The following ADIPOR2 variants were observed in gnomAD, a reference collection of about 807,000 sequenced individuals.
ADIPOR2 encodes adiponectin receptor protein 2.
In ADIPOR2, 18 loss-of-function variants were observed where a neutral mutation model predicts 40.9. The observed-to-expected ratio is 0.44, with a 90% CI of 0.30 to 0.65. ADIPOR2 has a LOEUF of 0.65. ADIPOR2 is among the 30% of genes least tolerant of loss of function. The probability of loss-of-function intolerance (pLI) is 0.09; values close to 1 mark genes in which losing one functional copy is unlikely to be tolerated. For missense variants in ADIPOR2, 283 were observed against 479.2 expected, an observed-to-expected ratio of 0.59 and a Z score of 3.82; for synonymous variants, 165 against 166.4, an observed-to-expected ratio of 0.99 and a Z score of 0.06.
At chr12:1,739,959 G>A (rs911175130) in intron 1 of ADIPOR2, among the ~76,000 whole-genome samples, 2 of 147,418 alleles carry the variant, frequency 1.4e-5, no homozygotes, top group African/African-American at 2.6e-5. Flanking sequence ...AAAATTAACC[G>A]GGCGTGGTGG....
intron 1 of ADIPOR2, among the ~76,000 whole-genome samples, chr12:1,698,561 T>C (rs2094644011): frequency 6.6e-6 from 1 of 152,188 alleles, no homozygotes; most frequent in South Asian, 2.1e-4. Context: ...TGTGGCTTAC[T>C]TTACATCTGC....
chr12:1,749,057 A>ACT (rs2094763283), intron 1 of ADIPOR2, among the ~76,000 whole-genome samples: 1 of 152,196 alleles, frequency 6.6e-6, no homozygotes, highest in Non-Finnish European at 1.5e-5. Flanking sequence ...AATTTGCTGG[A>ACT]CTGGCGCACA....
chr12:1,705,341 G>A (rs2094659976), intron 1 of ADIPOR2, among the ~76,000 whole-genome samples: 2 of 152,080 alleles, frequency 1.3e-5, no homozygotes, highest in South Asian at 2.1e-4. Flanking sequence ...ATTTAGAACT[G>A]TTGTTCCTTG....
In ADIPOR2 at chr12:1,754,375, G is replaced by T; in HGVS notation, c.32G>T (p.Cys11Phe). 1 of 1,611,000 alleles carries T rather than the reference G, an allele frequency of 6.2e-7. No individual in the cohort carries two copies. The highest frequency in any genetic ancestry group is 2.2e-5 in the East Asian group (1 of 44,752). Residue 11 changes from cysteine to phenylalanine, a missense_variant, in exon 2 of 8, where the codon TGC (cysteine) becomes TTC (phenylalanine). Coordinates refer to ENST00000357103, the MANE Select transcript of ADIPOR2 (RefSeq NM_024551.3). The part of the protein sequence containing the change: MNEPTENRLG[C>F]SRTPEPDIRL... The stretch of plus-strand genomic sequence containing the variant: ...GAGCCAACAGAAAACCGATTGGGGT[G>T]CAGCAGGACTCCAGAGCCAGATATA...
intron 3 of ADIPOR2, among the ~76,000 whole-genome samples, chr12:1,773,454 C>G (rs1862526772): frequency 6.6e-6 from 1 of 150,490 alleles, no homozygotes; most frequent in African/African-American, 2.4e-5. Context: ...GGTATACATT[C>G]TGTCTCTTAA....
chr12:1,743,683 A>G (rs1592604590), intron 1 of ADIPOR2, among the ~76,000 whole-genome samples: 1 of 152,198 alleles, frequency 6.6e-6, no homozygotes, highest in Admixed American at 6.5e-5. Context: ...AAATTAAAAA[A>G]AACCCATACA....
rs770243021 is a variant in ADIPOR2, at chr12:1,780,638, G to T, written c.650+1G>T. The T allele has an allele frequency of 6.3e-7, 1 of 1,577,178 alleles. No individual in the cohort carries two copies. The highest frequency in any genetic ancestry group is 1.2e-5 in the South Asian group (1 of 84,716). On this transcript the variant is annotated splice_donor_variant, in intron 5 of 7. Coordinates refer to ENST00000357103, the MANE Select transcript of ADIPOR2 (RefSeq NM_024551.3). LOFTEE classifies it high-confidence loss of function. ...AGGGGGTCTCTCGGCTCTTCTCTAA[G>T]TAAGTATCTGTAAAGTCCGTATTTT... is the stretch of plus-strand genomic sequence containing the variant.
At chr12:1,743,994 C>T (rs1053468169) in intron 1 of ADIPOR2, among the ~76,000 whole-genome samples, 1 of 152,040 alleles carries the variant, frequency 6.6e-6, no homozygotes, top group Non-Finnish European at 1.5e-5. Context: ...ATGTTTAGCT[C>T]AAATTTATGT....
intron 1 of ADIPOR2, among the ~76,000 whole-genome samples, chr12:1,699,187 A>G (rs2094645286): frequency 6.6e-6 from 1 of 152,252 alleles, no homozygotes; most frequent in Non-Finnish European, 1.5e-5. Flanking sequence ...GTTCCGGTAT[A>G]TAGCAGGTGG....
rs574529756 is a variant in ADIPOR2, at chr12:1,728,205, C to T, written c.-86-26053C>T. ...TCAGCTCACTGCAACTTCCGCCTCC[C>T]GGTTTCAAGTGATTCTCCTGCCTCA... On this transcript the variant is annotated intron_variant, in intron 1 of 7. Coordinates refer to ENST00000357103, the MANE Select transcript of ADIPOR2 (RefSeq NM_024551.3). Among the ~76,000 whole-genome samples, 237 of 151,852 alleles carry T rather than the reference C, an allele frequency of 1.6e-3. 3 individuals are homozygous for T. Among genetic ancestry groups the T allele is most frequent in the African/African-American group, 5.4e-3 (223 of 41,436 alleles).
Position 1,757,243 on chromosome 12 carries a change from C to G in ADIPOR2, c.171+2729C>G, listed in dbSNP as rs561010632. ...CCCAGGGACCATTTCACCCACTGCT[C>G]TGTTTGGTCGCCAGTCTTTTGTCTT... is the stretch of plus-strand genomic sequence containing the variant. On this transcript the variant is annotated intron_variant, in intron 2 of 7. Transcript: ENST00000357103. 9 of 558,122 alleles carry G rather than the reference C, an allele frequency of 1.6e-5. No homozygotes were observed. The South Asian group carries it at 1.8e-4, about 11-fold the overall frequency. 34.6% of individuals were successfully genotyped at this position (558,122 alleles called of 1,614,324 possible).
rs367779071 is a variant in ADIPOR2, at chr12:1,781,067, G to A, written c.829G>A (p.Val277Ile). The stretch of plus-strand genomic sequence containing the variant: ...GTTTGCCACCCCTCAGTATCGGGGA[G>A]TAAGAGCAGGTAAGAGCACGGGGAG... ...DMFATPQYRG[V>I]RAGVFLGLGL... Residue 277 changes from valine to isoleucine, a missense_variant, in exon 6 of 8, where the codon GTA becomes ATA. Physicochemically the swap from Val to Ile is conservative, Grantham distance 29. This residue lies in a region of ADIPOR2 where 106 missense variants were observed against 149.7 expected (regional missense o/e 0.71). Coordinates refer to ENST00000357103, the MANE Select transcript of ADIPOR2 (RefSeq NM_024551.3). The A allele has an allele frequency of 2.0e-5, 32 of 1,585,380 alleles. No homozygotes were observed. Among genetic ancestry groups the A allele is most frequent in the Non-Finnish European group, 2.6e-5 (30 of 1,168,150 alleles).
At chr12:1,757,493 A>G (rs1862159158) in intron 2 of ADIPOR2, 1 of 748,628 alleles carries the variant, frequency 1.3e-6, no homozygotes, top group African/African-American at 1.7e-5. Context: ...ATAGGTTACC[A>G]TTGTCAAACT....
intron 1 of ADIPOR2, among the ~76,000 whole-genome samples, chr12:1,732,924 G>A (rs890044255): frequency 1.3e-5 from 2 of 151,808 alleles, no homozygotes; most frequent in African/African-American, 4.8e-5. Flanking sequence ...TTTCCCTTTT[G>A]TATTGCTTTA....
intron 4 of ADIPOR2, among the ~76,000 whole-genome samples, chr12:1,779,175 T>TA (rs1298540643): frequency 5.3e-5 from 8 of 152,294 alleles, no homozygotes. Context: ...CCTAGTATAT[T>TA]ACCCAAGATG....
intron 1 of ADIPOR2, among the ~76,000 whole-genome samples, chr12:1,714,381 A>G (rs2094683591): frequency 6.6e-6 from 1 of 152,078 alleles, no homozygotes. Context: ...GGCCAGGGCT[A>G]GCTTTTGGAG....
intron 6 of ADIPOR2, among the ~76,000 whole-genome samples, 155 bp from the exon 7 acceptor site, chr12:1,783,725 T>A (rs1363639086): frequency 6.6e-6 from 1 of 152,234 alleles, no homozygotes; most frequent in East Asian, 1.9e-4. Flanking sequence ...TCCCAGAGTT[T>A]GAAGAACCTT....
chr12:1,772,693 T>C (rs1862512879), intron 2 of ADIPOR2, 149 bp from the exon 3 acceptor site: 6 of 957,978 alleles, frequency 6.3e-6, no homozygotes, highest in Non-Finnish European at 8.7e-6. Context: ...AATAATTCTA[T>C]AATAAACTGA....
chr12:1,730,510 G>C (rs1340236510), intron 1 of ADIPOR2, among the ~76,000 whole-genome samples: 1 of 151,700 alleles, frequency 6.6e-6, no homozygotes, highest in African/African-American at 2.4e-5. Context: ...CCAGCTACAC[G>C]GGAAGCTGAG....
Sources: gnomAD v4.1 joint callset for allele counts (sites outside exome capture counted in the v4.1 genomes callset) on GRCh38, gnomAD v4.1.1 for gene constraint, gnomAD v4.1.1 regional missense constraint, MANE v1.5 for transcripts, NCBI Gene and HGNC (gene_info 2026-07-23, HGNC 2026-07-21) for gene names.